The following INTS7 variants were observed in gnomAD, a reference collection of about 807,000 sequenced individuals.
INTS7 encodes the protein integrator complex subunit 7.
A neutral mutation model predicts 109.2 loss-of-function variants in INTS7; 46 were observed. That is an observed-to-expected ratio of 0.42 (90% confidence interval 0.33 to 0.54). The LOEUF is 0.54. Ranked by LOEUF, INTS7 falls within the 20% of genes least tolerant of loss-of-function variation. The pLI is 0.07. For missense variants in INTS7, 929 were observed against 1,132.4 expected, an observed-to-expected ratio of 0.82 and a Z score of 2.58; for synonymous variants, 412 against 402.9, an observed-to-expected ratio of 1.02 and a Z score of -0.27.
At chr1:211,947,324 C>T (rs1227225627) in intron 17 of INTS7, among the ~76,000 whole-genome samples, 4 of 152,174 alleles carry the variant, frequency 2.6e-5, no homozygotes, top group Non-Finnish European at 5.9e-5. Context: ...GGTACAGAAA[C>T]ACCACAGAGA....
chr1:212,016,025 C>T (rs950967643), intron 4 of INTS7, among the ~76,000 whole-genome samples: 33 of 151,882 alleles, frequency 2.2e-4, no homozygotes, highest in African/African-American at 8.0e-4. Context: ...ATGTAACCTG[C>T]TTCCAAATAT....
intron 17 of INTS7, among the ~76,000 whole-genome samples, chr1:211,951,813 G>A (rs74925189): frequency 0.025 from 3,828 of 152,264 alleles, 43 homozygotes; most frequent in Non-Finnish European, 0.028. Flanking sequence ...CCAAGCCTAC[G>A]GCATTTTGTT....
chr1:211,948,835 G>A (rs1662957624), intron 17 of INTS7, among the ~76,000 whole-genome samples: 1 of 152,204 alleles, frequency 6.6e-6, no homozygotes, highest in Admixed American at 6.5e-5. Context: ...AGCCTCCTGA[G>A]TAGCTGGGAT....
intron 13 of INTS7, 32 bp downstream of exon 13, chr1:211,975,134 A>T: frequency 6.8e-7 from 1 of 1,463,370 alleles, no homozygotes; most frequent in African/African-American, 1.4e-5. Context: ...CACATAAATC[A>T]TCACCACCAA....
chr1:212,026,594 A>G lies in INTS7; in HGVS notation c.95-5382T>C, dbSNP rs915686437. On this transcript the variant is annotated intron_variant, in intron 1 of 19. Coordinates refer to ENST00000366994, the MANE Select transcript of INTS7 (RefSeq NM_015434.4). The stretch of plus-strand genomic sequence containing the variant: ...GTAGCCTTACTTTTCTAAAAGCCTG[A>G]TATGAAAAACGGGTCAAGGGACACA... Among the ~76,000 whole-genome samples, 6 of 152,268 alleles carry G rather than the reference A, an allele frequency of 3.9e-5. No individual in the cohort carries two copies. The South Asian group carries it at 1.0e-3, about 26-fold the overall frequency.
At chr1:211,966,294 A>G in intron 16 of INTS7, 136 bp downstream of exon 16, 1 of 513,566 alleles carries the variant, frequency 1.9e-6, no homozygotes, top group East Asian at 3.1e-5. Context: ...TATGTGACCC[A>G]CAAAAAATGC....
intron 5 of INTS7, among the ~76,000 whole-genome samples, chr1:212,010,201 C>T (rs943577318): frequency 1.3e-5 from 2 of 152,168 alleles, no homozygotes; most frequent in Non-Finnish European, 2.9e-5. Flanking sequence ...CAAAGGAATG[C>T]TCTTTATAAG....
chr1:211,988,186 G>A (rs3009998), intron 7 of INTS7, among the ~76,000 whole-genome samples, 183 bp from the exon 8 acceptor site: 6,981 of 152,084 alleles, frequency 0.046, 225 homozygotes, highest in African/African-American at 0.084. Context: ...AGTTTGGGAG[G>A]CTGAGGTGGG....
At chr1:212,001,817 A>G (rs1206435879) in intron 7 of INTS7, among the ~76,000 whole-genome samples, 1 of 152,136 alleles carries the variant, frequency 6.6e-6, no homozygotes, top group Admixed American at 6.6e-5. Flanking sequence ...CTTACATATC[A>G]CTGGCCACTC....
chr1:212,023,397 C>T (rs1666791047), intron 1 of INTS7, among the ~76,000 whole-genome samples: 1 of 152,204 alleles, frequency 6.6e-6, no homozygotes, highest in Non-Finnish European at 1.5e-5. Context: ...CTTTTCTTCA[C>T]AGCCTCACAG....
Position 211,978,322 on chromosome 1 carries a change from G to A in INTS7, c.1420C>T (p.Leu474=), listed in dbSNP as rs1664505871. Residue 474 remains leucine, a synonymous_variant, in exon 11 of 20, where the codon CTG becomes TTG. Transcript: ENST00000366994. Reference sequence around the variant, plus strand: ...GCTGATCGTCCAATCACCTTGTACAGCTCCATGAGGTCACCAAGCATCCCA... The same window carrying A: ...GCTGATCGTCCAATCACCTTGTACAACTCCATGAGGTCACCAAGCATCCCA... ...GDGMLGDLME[L]YKVIGRSATD... 1.6e-5 allele frequency: 26 copies of A among 1,614,174 alleles called. No individual in the cohort carries two copies. Among genetic ancestry groups the A allele is most frequent in the Non-Finnish European group, 2.2e-5 (26 of 1,180,032 alleles).
In INTS7 at chr1:212,035,491, A is replaced by T. The variant is rs1161596556; in HGVS notation, c.-54T>A. 4 of 1,309,454 alleles carry T rather than the reference A, an allele frequency of 3.1e-6. No homozygotes were observed. The highest frequency in any genetic ancestry group is 4.4e-6 in the Non-Finnish European group (4 of 903,134). The allele number at this position is 1,309,454 out of a possible 1,614,324, so 81.1% of individuals were successfully genotyped here. On this transcript the variant is annotated 5_prime_UTR_variant, in exon 1 of 20. Transcript: ENST00000366994. Reference sequence around the variant, plus strand: ...TCAGAAAGCTTGCAAACTCTACCCCAGGACCGCCATCTTCCCCCGCCGCCT... The same window carrying T: ...TCAGAAAGCTTGCAAACTCTACCCCTGGACCGCCATCTTCCCCCGCCGCCT...
chr1:211,951,803 C>T (rs974012459), intron 17 of INTS7, among the ~76,000 whole-genome samples: 2 of 152,170 alleles, frequency 1.3e-5, no homozygotes, highest in Admixed American at 6.5e-5. Flanking sequence ...GTTTAAGGTA[C>T]CAAGCCTACG....
chr1:212,026,080 C>T (rs1368635644), intron 1 of INTS7, among the ~76,000 whole-genome samples: 2 of 151,982 alleles, frequency 1.3e-5, no homozygotes. Flanking sequence ...ACTCGGGAGG[C>T]GGAGGTTGCA....
At chr1:211,945,197 T>C (rs756947827) in intron 18 of INTS7, among the ~76,000 whole-genome samples, 2 of 152,174 alleles carry the variant, frequency 1.3e-5, no homozygotes, top group African/African-American at 4.8e-5. Flanking sequence ...TTGAGGATAA[T>C]AGAGAATTAG....
chr1:212,025,634 G>C (rs1158745718), intron 1 of INTS7: 2 of 202,214 alleles, frequency 9.9e-6, no homozygotes, highest in Non-Finnish European at 2.1e-5. Context: ...ACAAAACCCA[G>C]AGAAGAGACT....
chr1:212,002,195 C>T (rs1217306716), intron 7 of INTS7, among the ~76,000 whole-genome samples: 1 of 152,196 alleles, frequency 6.6e-6, no homozygotes, highest in Non-Finnish European at 1.5e-5. Flanking sequence ...TCAGCTCTAG[C>T]CTTTAAAATA....
chr1:211,979,060 A>T (rs1302504286), intron 10 of INTS7, among the ~76,000 whole-genome samples: 3 of 152,158 alleles, frequency 2.0e-5, no homozygotes, highest in Non-Finnish European at 4.4e-5. Flanking sequence ...TCTAAAAACC[A>T]ATTTGGCTAC....
At chr1:212,016,802 TTTATA>T (rs1239808984) in intron 4 of INTS7, 79 bp downstream of exon 4, 1 of 1,054,614 alleles carries the variant, frequency 9.5e-7, no homozygotes, top group East Asian at 2.7e-5. Flanking sequence ...TCTCTCAGTG[TTTATA>T]TAAGTTGATC....
Sources: allele counts gnomAD v4.1 joint callset (sites outside exome capture counted in the v4.1 genomes callset), GRCh38; gene constraint gnomAD v4.1.1; transcripts MANE v1.5; gene names NCBI Gene and HGNC (gene_info 2026-07-23, HGNC 2026-07-21).